C12orf42: variants seen among roughly 807,000 people sequenced by gnomAD.
The protein encoded by C12orf42 is chromosome 12 open reading frame 42.
C12orf42 carries 25 observed loss-of-function variants against 21.6 expected under a neutral mutation model. The observed-to-expected ratio is 1.16, with a 90% CI of 0.84 to 1.62. The LOEUF (loss-of-function observed/expected upper bound fraction) is 1.62, where lower values mean the gene tolerates loss of function less well. Ranked by LOEUF, C12orf42 falls within the 40% of genes most tolerant of loss-of-function variation. The probability of loss-of-function intolerance (pLI) is 0.00; values close to 1 mark genes in which losing one functional copy is unlikely to be tolerated. For missense variants in C12orf42, 483 were observed against 459.3 expected (o/e 1.05, Z -0.47); for synonymous variants, 174 against 175.0 (o/e 0.99, Z 0.05).
chr12:103,538,947 G>T, the C12orf42 span, among the ~76,000 whole-genome samples: 3 of 152,166 alleles, frequency 2.0e-5, no homozygotes, highest in African/African-American at 4.8e-5. Flanking sequence ...GAAGGGGTGG[G>T]CCTTAAAGAG....
At chr12:103,250,354 A>G (rs2034237757) in intron 10 of C12orf42, among the ~76,000 whole-genome samples, 1 of 151,978 alleles carries the variant, frequency 6.6e-6, no homozygotes, top group African/African-American at 2.4e-5. Flanking sequence ...CCACAGCCCC[A>G]GAGCTAACAT....
intron 2 of C12orf42, chr12:103,478,031 C>T (rs573086165): frequency 4.4e-6 from 1 of 229,714 alleles, no homozygotes; most frequent in East Asian, 1.4e-4. Flanking sequence ...TTAAAGTGAG[C>T]ACATGTGCCT....
chr12:103,100,391 A>G, the C12orf42 span, among the ~76,000 whole-genome samples: 9 of 152,256 alleles, frequency 5.9e-5, no homozygotes, highest in Non-Finnish European at 1.0e-4. Flanking sequence ...CGACACGACC[A>G]CTTGTTGACA....
At chr12:103,415,804 C>T (rs974758772) in intron 2 of C12orf42, among the ~76,000 whole-genome samples, 5 of 152,074 alleles carry the variant, frequency 3.3e-5, no homozygotes, top group Non-Finnish European at 5.9e-5. Flanking sequence ...AGTCACCTTA[C>T]GTGAAGAGCA....
chr12:103,184,617 T>C, the C12orf42 span, among the ~76,000 whole-genome samples: 1 of 152,092 alleles, frequency 6.6e-6, no homozygotes, highest in African/African-American at 2.4e-5. Flanking sequence ...TGGTAGATTC[T>C]TTCTTGGTTT....
chr12:103,544,683 T>C, the C12orf42 span, among the ~76,000 whole-genome samples: 10 of 152,340 alleles, frequency 6.6e-5, no homozygotes, highest in South Asian at 2.1e-3. Context: ...CTTTCTTAAA[T>C]ATTTTTATTG....
chr12:103,091,069 G>C, the C12orf42 span, among the ~76,000 whole-genome samples: 2 of 151,822 alleles, frequency 1.3e-5, no homozygotes, highest in African/African-American at 4.8e-5. Context: ...AGCTAATTTA[G>C]CTTCCAGTTC....
the C12orf42 span, among the ~76,000 whole-genome samples, chr12:103,072,215 G>C: frequency 6.6e-6 from 1 of 152,154 alleles, no homozygotes; most frequent in East Asian, 1.9e-4. Context: ...CACATGGTAA[G>C]AGTTCATCAT....
intron 5 of C12orf42, among the ~76,000 whole-genome samples, chr12:103,303,105 T>C (rs1267130192): frequency 1.3e-5 from 2 of 152,184 alleles, no homozygotes; most frequent in African/African-American, 4.8e-5. Context: ...TAAATTAACC[T>C]AAGACTGGGT....
the C12orf42 span, among the ~76,000 whole-genome samples, chr12:103,128,769 A>G: frequency 2.0e-5 from 3 of 152,338 alleles, no homozygotes; most frequent in East Asian, 5.8e-4. Context: ...TGATCACTCA[A>G]TAAAGTCTTT....
Position 103,467,964 on chromosome 12 carries a change from C to A in C12orf42, c.78+10385G>T, listed in dbSNP as rs529079152. 7.8e-4 allele frequency among the ~76,000 whole-genome samples: 118 copies of A among 152,244 alleles called. 2 individuals are homozygous for A. The highest frequency in any genetic ancestry group is 1.0e-3 in the South Asian group (5 of 4,822). ...AAACAACCAAGGAAAGCTAGATTTT[C>A]TTTTTCTACCTGGGTCTCTGACTGA... is the stretch of plus-strand genomic sequence containing the variant. On this transcript the variant is annotated intron_variant, in intron 2 of 5. Coordinates refer to ENST00000548883, the MANE Select transcript of C12orf42 (RefSeq NM_198521.5).
At chr12:103,248,971 T>C (rs111273051) in intron 10 of C12orf42, among the ~76,000 whole-genome samples, 6 of 152,154 alleles carry the variant, frequency 3.9e-5, no homozygotes, top group African/African-American at 1.2e-4. Flanking sequence ...AGATTGAAGA[T>C]AGAATTTGGC....
At chr12:103,242,067 A>G (rs2033775269) in intron 10 of C12orf42, among the ~76,000 whole-genome samples, 1 of 152,118 alleles carries the variant, frequency 6.6e-6, no homozygotes, top group African/African-American at 2.4e-5. Context: ...CTTATGGTGG[A>G]TGCGTCTTTT....
At chr12:103,391,051 A>G (rs1417530591) in intron 3 of C12orf42, among the ~76,000 whole-genome samples, 1 of 152,226 alleles carries the variant, frequency 6.6e-6, no homozygotes, top group Non-Finnish European at 1.5e-5. Flanking sequence ...GTGGAAGTAC[A>G]TAATATTTGC....
At chr12:103,184,938 T>C in the C12orf42 span, among the ~76,000 whole-genome samples, 5 of 152,032 alleles carry the variant, frequency 3.3e-5, no homozygotes, top group Non-Finnish European at 7.4e-5. Context: ...AAAGAAGCCA[T>C]CTGCAAGCCA....
chr12:103,193,414 T>TA, the C12orf42 span, among the ~76,000 whole-genome samples: 1 of 147,406 alleles, frequency 6.8e-6, no homozygotes, highest in African/African-American at 2.5e-5. Flanking sequence ...AAATAAAGGA[T>TA]AAAAAAAGGA....
At chr12:103,475,499 A>G (rs11111600) in intron 2 of C12orf42, among the ~76,000 whole-genome samples, 32,009 of 152,152 alleles carry the variant, frequency 0.21, 3,872 homozygotes, top group East Asian at 0.36. Flanking sequence ...CTGTGATTTA[A>G]CATCTCTCTC....
chr12:103,239,465 T>C (rs754626634), intron 10 of C12orf42, among the ~76,000 whole-genome samples: 9 of 152,244 alleles, frequency 5.9e-5, no homozygotes, highest in Non-Finnish European at 1.2e-4. Context: ...ATGTGTTTTC[T>C]GGTCTTTCAC....
At chr12:103,401,771 T>A in intron 2 of C12orf42, 96 bp from the exon 3 acceptor site, 1 of 1,152,762 alleles carries the variant, frequency 8.7e-7, no homozygotes. Flanking sequence ...GATCAGAAGC[T>A]AATTCTTTCA....
Sources: gnomAD v4.1 joint callset for allele counts (sites outside exome capture counted in the v4.1 genomes callset) on GRCh38, gnomAD v4.1.1 for gene constraint, MANE v1.5 for transcripts, NCBI Gene and HGNC (gene_info 2026-07-23, HGNC 2026-07-21) for gene names.